Variants in PLBD2 observed in about 807,000 individuals in gnomAD.
The protein encoded by PLBD2 is phospholipase B domain containing 2, also known as putative aminopeptidase PLBD2.
A neutral mutation model predicts 68.3 loss-of-function variants in PLBD2; 51 were observed. The observed-to-expected ratio is 0.75, with a 90% CI of 0.60 to 0.94. The LOEUF (loss-of-function observed/expected upper bound fraction) is 0.94, where lower values mean the gene tolerates loss of function less well. Ranked by LOEUF, PLBD2 falls within the 40% of genes least tolerant of loss-of-function variation. The probability of loss-of-function intolerance (pLI) is 0.00; values close to 1 mark genes in which losing one functional copy is unlikely to be tolerated. For missense variants in PLBD2, 729 were observed against 792.2 expected (o/e 0.92, Z 0.96); for synonymous variants, 314 against 339.3 (o/e 0.93, Z 0.82).
chr12:113,386,251 C>T (rs182935605), intron 9 of PLBD2, among the ~76,000 whole-genome samples: 1 of 152,334 alleles, frequency 6.6e-6, no homozygotes, highest in Non-Finnish European at 1.5e-5. Flanking sequence ...TGCAATGGTG[C>T]GATCTCAGCT....
At position 113,358,660 on chromosome 12, in the gene PLBD2, G is replaced by A; in HGVS notation, c.60G>A (p.Ala20=). ...ACCTGGCCCGGGCGCTGACGCGGGC[G>A]CTGGCGCTGGCCCTGGTGCTGGCCC... ...GSHLARALTR[A]LALALVLALL... is the part of the protein sequence containing the mutation. Residue 20 remains alanine (A), a synonymous_variant, in exon 1 of 12, where the codon GCG becomes GCA. Coordinates refer to ENST00000280800, the MANE Select transcript of PLBD2 (RefSeq NM_173542.4). 2 of 1,460,562 alleles carry A rather than the reference G, an allele frequency of 1.4e-6. No homozygotes were observed. Among genetic ancestry groups the A allele is most frequent in the Non-Finnish European group, 1.8e-6 (2 of 1,113,356 alleles). The allele number at this position is 1,460,562 out of a possible 1,614,324, so 90.5% of individuals were successfully genotyped here. A position where few individuals can be genotyped will look rare whatever the true frequency, so the allele number is the denominator to read the frequency against.
At chr12:113,369,017 A>C in intron 1 of PLBD2, 99 bp from the exon 2 acceptor site, 1 of 735,642 alleles carries the variant, frequency 1.4e-6, no homozygotes, top group East Asian at 2.8e-5. Flanking sequence ...GTGCACGTCT[A>C]CTGACCACTG....
chr12:113,378,684 T>C (rs1957455506), intron 5 of PLBD2, among the ~76,000 whole-genome samples: 1 of 132,916 alleles, frequency 7.5e-6, no homozygotes, highest in Admixed American at 7.4e-5. Context: ...TTTCCTTTCC[T>C]TTTTTTTTTT....
chr12:113,384,887 G>T lies in PLBD2; in HGVS notation c.1155G>T (p.Ala385=), dbSNP rs372096370. Residue 385 remains alanine (A), a synonymous_variant, in exon 8 of 12, where the codon GCG becomes GCT. Transcript: ENST00000280800. The surrounding 1 kb of genome is among the most constrained non-coding windows in gnomAD (Gnocchi z 4.2). ...AGTGGATGATCGTGGACTACAAGGC[G>T]TTCATCCCGGGTGGGCCCAGCCCCG... ...NNQWMIVDYK[A]FIPGGPSPGS... is the part of the protein sequence containing the mutation. 1.3e-6 allele frequency: 2 copies of T among 1,566,806 alleles called. No homozygotes were observed. The highest frequency in any genetic ancestry group is 2.7e-5 in the African/African-American group (2 of 73,408).
chr12:113,385,011 G>A, intron 8 of PLBD2, 65 bp downstream of exon 8: 1 of 1,487,860 alleles, frequency 6.7e-7, no homozygotes, highest in Non-Finnish European at 9.2e-7. Context: ...TGAAGGCCCA[G>A]AGCCGTGCTG....
At position 113,384,993 on chromosome 12, in the gene PLBD2, T is replaced by G; in HGVS notation, c.1214+47T>G. ...GGTGGGGGCTCGGGGCAGAGGGGAC[T>G]GCCAGGGTGAAGGCCCAGAGCCGTG... On this transcript the variant is annotated intron_variant, in intron 8 of 11. Transcript: ENST00000280800. The surrounding 1 kb of genome is among the most constrained non-coding windows in gnomAD (Gnocchi z 4.2). 6.5e-7 allele frequency: 1 copy of G among 1,544,214 alleles called. No individual in the cohort carries two copies. The highest frequency in any genetic ancestry group is 8.8e-7 in the Non-Finnish European group (1 of 1,130,366).
intron 5 of PLBD2, among the ~76,000 whole-genome samples, chr12:113,378,840 CA>C (rs1957457405): frequency 6.6e-6 from 1 of 152,150 alleles, no homozygotes; most frequent in Non-Finnish European, 1.5e-5. Context: ...CATGCACCCC[CA>C]ACCTGGCTAA....
rs373157434 is a variant in PLBD2, at chr12:113,376,941, G to A, written c.859+1934G>A. The A allele has an allele frequency of 3.9e-5, 6 of 152,510 alleles. No homozygotes were observed. The East Asian group carries it at 9.6e-4, about 25-fold the overall frequency. The allele number at this position is 152,510 out of a possible 1,614,324, so 9.4% of individuals were successfully genotyped here. On this transcript the variant is annotated intron_variant, in intron 5 of 11. Transcript: ENST00000280800. ...CAAATGTTTGCAGTACCTCCTTCAT[G>A]GCCAAATGTAAAAACTTGATGGGAC... is the stretch of plus-strand genomic sequence containing the variant.
rs1403054163 is a variant in PLBD2, at chr12:113,384,748, G to A, written c.1119-103G>A. On this transcript the variant is annotated intron_variant, in intron 7 of 11. Transcript: ENST00000280800. The surrounding 1 kb of genome is among the most constrained non-coding windows in gnomAD (Gnocchi z 4.2). ...CAGTTGAATGGCTGGACAACCCCAGGCCCACTTCCTGTAATTCCTAGCTGA... is the reference window on the plus strand; with the variant it reads ...CAGTTGAATGGCTGGACAACCCCAGACCCACTTCCTGTAATTCCTAGCTGA... The A allele has an allele frequency of 4.2e-5, 38 of 910,554 alleles. No homozygotes were observed. Among genetic ancestry groups the A allele is most frequent in the Non-Finnish European group, 6.3e-5 (36 of 575,684 alleles). The allele number at this position is 910,554 out of a possible 1,614,324, so 56.4% of individuals were successfully genotyped here.
At chr12:113,376,163 AT>A (rs34142556) in intron 5 of PLBD2, among the ~76,000 whole-genome samples, 3,136 of 115,222 alleles carry the variant, frequency 0.027, 34 homozygotes, top group Non-Finnish European at 0.037. Context: ...TTGACACAGC[AT>A]TTTTTTTTTT....
In PLBD2 at chr12:113,369,203, G is replaced by T; in HGVS notation, c.378G>T (p.Ser126=). The change falls in exon 2 of 12, where the codon TCG becomes TCT. Residue 126 remains serine, a synonymous_variant. Transcript: ENST00000280800. ...CCGGTGTGGTGGAGGCTGCTGTGTC[G>T]GAGGAGGTAAGGGCCAAGGTGGGGA... is the stretch of plus-strand genomic sequence containing the variant. ...YAAGVVEAAV[S]EELIYMHWMN... The T allele has an allele frequency of 1.2e-6, 2 of 1,600,088 alleles. No individual in the cohort carries two copies. Among genetic ancestry groups the T allele is most frequent in the Non-Finnish European group, 1.7e-6 (2 of 1,173,464 alleles).
rs1372583622 is a variant in PLBD2 at position 113,380,811 on chromosome 12, G to A, written c.926G>A (p.Cys309Tyr). 2 of 1,556,742 alleles carry A rather than the reference G, an allele frequency of 1.3e-6. No homozygotes were observed. The highest frequency in any genetic ancestry group is 1.7e-6 in the Non-Finnish European group (2 of 1,149,980). The change falls in exon 6 of 12, where the codon TGC becomes TAC. Residue 309 changes from cysteine to tyrosine, a missense_variant. Physicochemically the swap from Cys to Tyr is radical, Grantham distance 194. Coordinates refer to ENST00000280800, the MANE Select transcript of PLBD2 (RefSeq NM_173542.4). ...FSSYPGTIFS[C>Y]DDFYILGSGL... is the part of the protein sequence containing the mutation. ...TCCTACCCCGGCACCATCTTCTCCTGCGACGACTTCTACATCCTGGGCAGT... is the reference window on the plus strand; with the variant it reads ...TCCTACCCCGGCACCATCTTCTCCTACGACGACTTCTACATCCTGGGCAGT...
At chr12:113,371,820 C>G (rs1672587161) in intron 2 of PLBD2, among the ~76,000 whole-genome samples, 1 of 152,240 alleles carries the variant, frequency 6.6e-6, no homozygotes, top group African/African-American at 2.4e-5. Context: ...AGGCACCATT[C>G]AACCTCAGCT....
At chr12:113,387,691 T>A in intron 10 of PLBD2, 53 bp from the exon 11 acceptor site, 1 of 1,584,882 alleles carries the variant, frequency 6.3e-7, no homozygotes, top group Non-Finnish European at 8.6e-7. Flanking sequence ...TTGGCCCCCG[T>A]CTTAGCCTCT....
In PLBD2 at chr12:113,372,605, AC is replaced by A; in HGVS notation, c.385-40del. ...GTGGGGGGCTCTCAGGGAAGAGAGC[AC>A]CCCAGCTGCCCGCCCTTGCCTCGCC... On this transcript the variant is annotated intron_variant, in intron 2 of 11. Transcript: ENST00000280800. The surrounding 1 kb of genome is among the most constrained non-coding windows in gnomAD (Gnocchi z 4.2). The A allele has an allele frequency of 6.3e-7, 1 of 1,591,178 alleles. No individual in the cohort carries two copies.
Position 113,369,104 on chromosome 12 carries a change from C to A in PLBD2, c.291-12C>A. On this transcript the variant is annotated splice_polypyrimidine_tract_variant and intron_variant, in intron 1 of 11. Coordinates refer to ENST00000280800, the MANE Select transcript of PLBD2 (RefSeq NM_173542.4). The stretch of plus-strand genomic sequence containing the variant: ...TCTGCTGCTGACTGAGTGTCCCCTC[C>A]TTCCCCTCCAGGTGGGCCTTCCTGG... The A allele has an allele frequency of 6.3e-7, 1 of 1,577,636 alleles. No individual in the cohort carries two copies. The highest frequency in any genetic ancestry group is 1.2e-5 in the South Asian group (1 of 86,098).
rs189507294 is a variant in PLBD2 at position 113,388,669 on chromosome 12, G to C, written c.*43G>C. 171 of 1,515,882 alleles carry C rather than the reference G, an allele frequency of 1.1e-4. No homozygotes were observed. In the African/African-American group the frequency reaches 2.2e-3, roughly 20 times the overall value. 93.9% of individuals were successfully genotyped at this position (1,515,882 alleles called of 1,614,324 possible). ...GCTGCTTTCGCCCCTGCTGACCCTC[G>C]TCAGGGTCACCCCCGTCCCAAGGCC... On this transcript the variant is annotated 3_prime_UTR_variant, in exon 12 of 12. Coordinates refer to ENST00000280800, the MANE Select transcript of PLBD2 (RefSeq NM_173542.4).
At chr12:113,360,918 G>T (rs1161842771) in intron 1 of PLBD2, among the ~76,000 whole-genome samples, 2 of 152,112 alleles carry the variant, frequency 1.3e-5, no homozygotes, top group East Asian at 3.9e-4. Context: ...GGACTTTCTG[G>T]CTTGTTTTCG....
chr12:113,371,172 A>G (rs1034542396), intron 2 of PLBD2, among the ~76,000 whole-genome samples: 1 of 152,256 alleles, frequency 6.6e-6, no homozygotes, highest in African/African-American at 2.4e-5. Flanking sequence ...ACAAGTTGAC[A>G]TCAACTTGTG....
Sources: allele counts gnomAD v4.1 joint callset (sites outside exome capture counted in the v4.1 genomes callset), GRCh38; gene constraint gnomAD v4.1.1; non-coding constraint Gnocchi (gnomAD v3.1); transcripts MANE v1.5; gene names NCBI Gene and HGNC (gene_info 2026-07-23, HGNC 2026-07-21).